Variants in DIPK1C observed in about 807,000 individuals in gnomAD.
The protein encoded by DIPK1C is divergent protein kinase domain 1C, also known as familial non-conventional Alzheimer's dementia.
In DIPK1C, 33 loss-of-function variants were observed where a neutral mutation model predicts 28.0. That is an observed-to-expected ratio of 1.18 (90% CI 0.89 to 1.58). DIPK1C has a LOEUF of 1.58. Among genes scored for constraint, DIPK1C ranks in the 40% most tolerant of loss-of-function variants. The pLI is 0.00. For synonymous variants in DIPK1C, 255 were observed against 248.8 expected, an observed-to-expected ratio of 1.02 and a Z score of -0.23; for missense variants, 569 against 568.5, an observed-to-expected ratio of 1.00 and a Z score of -0.01.
At chr18:74,444,938 A>G (rs1229105960) in intron 2 of DIPK1C, among the ~76,000 whole-genome samples, 1 of 152,222 alleles carries the variant, frequency 6.6e-6, no homozygotes. Context: ...CAGTAACTGG[A>G]TAATCAACAA....
At position 74,436,123 on chromosome 18, in the gene DIPK1C, C is replaced by G. The variant is rs1483567519; in HGVS notation, c.*378G>C. The G allele has an allele frequency of 3.9e-6, 1 of 253,190 alleles. No homozygotes were observed. Among genetic ancestry groups the G allele is most frequent in the African/African-American group, 2.2e-5 (1 of 44,722 alleles). 15.7% of individuals were successfully genotyped at this position (253,190 alleles called of 1,614,324 possible). A position where few individuals can be genotyped will look rare whatever the true frequency, so the allele number is the denominator to read the frequency against. On this transcript the variant is annotated 3_prime_UTR_variant, in exon 4 of 4. Coordinates refer to ENST00000343998, the MANE Select transcript of DIPK1C (RefSeq NM_001044369.3). Reference sequence around the variant, plus strand: ...CACAGGCATACACATCATTTGTATGCACACACGCACACTTTTTAACGTGGT... The same window carrying G: ...CACAGGCATACACATCATTTGTATGGACACACGCACACTTTTTAACGTGGT...
Position 74,436,569 on chromosome 18 carries a change from TG to T in DIPK1C, c.1191del (p.Ser398AlafsTer14). On this transcript the variant is annotated frameshift_variant, in exon 4 of 4. Transcript: ENST00000343998. LOFTEE classifies it low-confidence loss of function (END_TRUNC). Reference protein sequence around the residue: ...VPSGNTRRAASSVFWKLRQLL... With the variant: ...VPSGNTRRAAXSVFWKLRQLL... ...AGTTGGCGAAGCTTCCAGAACACGC[TG>T]GAGGCTGCTCTCCGGGTGTTCCCAC... The T allele has an allele frequency of 6.2e-7, 1 of 1,611,160 alleles. No homozygotes were observed.
At position 74,436,151 on chromosome 18, in the gene DIPK1C, C is replaced by T; in HGVS notation, c.*350G>A. On this transcript the variant is annotated 3_prime_UTR_variant, in exon 4 of 4. Coordinates refer to ENST00000343998, the MANE Select transcript of DIPK1C (RefSeq NM_001044369.3). ...ACACGCACACTTTTTAACGTGGTAA[C>T]GATTTACAGGAAAGAACAGCTGGAA... 2 of 290,132 alleles carry T rather than the reference C, an allele frequency of 6.9e-6. No homozygotes were observed. Among genetic ancestry groups the T allele is most frequent in the Middle Eastern group, 1.0e-3 (1 of 956 alleles). The allele number at this position is 290,132 out of a possible 1,614,324, so 18.0% of individuals were successfully genotyped here. A position where few individuals can be genotyped will look rare whatever the true frequency, so the allele number is the denominator to read the frequency against.
intron 3 of DIPK1C, among the ~76,000 whole-genome samples, chr18:74,439,539 G>A (rs562012720): frequency 6.6e-6 from 1 of 152,338 alleles, no homozygotes; most frequent in South Asian, 2.1e-4. Context: ...ATTAAGGCTG[G>A]GTGTGGTAGC....
intron 3 of DIPK1C, among the ~76,000 whole-genome samples, chr18:74,440,265 CTAA>C (rs1986092607): frequency 1.3e-5 from 2 of 152,040 alleles, no homozygotes; most frequent in African/African-American, 4.8e-5. Flanking sequence ...TTTTTTTCAC[CTAA>C]TAATGCTTCA....
At chr18:74,462,718 G>C (rs116236538), upstream of DIPK1C, among the ~76,000 whole-genome samples, 1,508 of 150,202 alleles carry the variant, frequency 0.01, 19 homozygotes, top group African/African-American at 0.035. Flanking sequence ...TGCACCATTT[G>C]ACATTCCTAT....
At chr18:74,450,407 AG>A (rs924883800) in intron 1 of DIPK1C, among the ~76,000 whole-genome samples, 4 of 152,218 alleles carry the variant, frequency 2.6e-5, no homozygotes, top group Non-Finnish European at 4.4e-5. Context: ...GTGCAGCCAA[AG>A]GTGTGATCCT....
intron 2 of DIPK1C, among the ~76,000 whole-genome samples, chr18:74,442,318 C>G (rs1379190224): frequency 2.0e-5 from 3 of 150,578 alleles, no homozygotes; most frequent in Admixed American, 2.0e-4. Flanking sequence ...CATGCATTTT[C>G]TTTTTCTTTT....
upstream of DIPK1C, among the ~76,000 whole-genome samples, chr18:74,459,496 C>A (rs4892221): frequency 0.63 from 95,153 of 152,074 alleles, 31,001 homozygotes; most frequent in East Asian, 0.98. Flanking sequence ...GTTGATACCA[C>A]AGGAAGTTTT....
At chr18:74,455,725 T>TAAAAAAAAAAAAAAA (rs112246757) in intron 1 of DIPK1C, among the ~76,000 whole-genome samples, 5 of 116,180 alleles carry the variant, frequency 4.3e-5, no homozygotes, top group Admixed American at 9.4e-5. Context: ...CAAAACTCCA[T>TAAAAAAAAAAAAAAA]AAAAAAAAAA....
At chr18:74,449,325 T>G (rs1290408366) in intron 1 of DIPK1C, among the ~76,000 whole-genome samples, 1 of 152,218 alleles carries the variant, frequency 6.6e-6, no homozygotes, top group African/African-American at 2.4e-5. Context: ...CTATATGATC[T>G]TTCTAACATT....
upstream of DIPK1C, among the ~76,000 whole-genome samples, chr18:74,461,864 T>C (rs1269334845): frequency 6.6e-6 from 1 of 152,058 alleles, no homozygotes; most frequent in Non-Finnish European, 1.5e-5. Context: ...CCAGCCATCT[T>C]CCCACCCCAG....
chr18:74,439,011 T>C (rs976343575), intron 3 of DIPK1C, among the ~76,000 whole-genome samples: 2 of 152,230 alleles, frequency 1.3e-5, no homozygotes, highest in African/African-American at 4.8e-5. Context: ...ACATTCCTGG[T>C]CTATAAGAAG....
chr18:74,456,242 A>G (rs1159424420), intron 1 of DIPK1C, among the ~76,000 whole-genome samples: 3 of 152,250 alleles, frequency 2.0e-5, no homozygotes, highest in Non-Finnish European at 2.9e-5. Context: ...ACGGCTAGCC[A>G]AGTTTCCAAT....
At chr18:74,461,330 T>C (rs1344945429), upstream of DIPK1C, among the ~76,000 whole-genome samples, 4 of 140,802 alleles carry the variant, frequency 2.8e-5, no homozygotes, top group East Asian at 4.4e-4. Context: ...CTTTTTCTTT[T>C]CCTTCCTTCC....
At position 74,446,950 on chromosome 18, in the gene DIPK1C, G is replaced by T. The variant is rs372816832; in HGVS notation, c.532C>A (p.Pro178Thr). The change falls in exon 2 of 4, where the codon CCA becomes ACA. Residue 178 changes from proline (P) to threonine (T), a missense_variant. Physicochemically the swap from Pro to Thr is conservative, Grantham distance 38. Coordinates refer to ENST00000343998, the MANE Select transcript of DIPK1C (RefSeq NM_001044369.3). ...LGPWWPGRRGPRWRGQLASLW... is the reference protein window; with the variant it reads ...LGPWWPGRRGTRWRGQLASLW... ...CTGGCCAGCTGTCCCCGCCAGCGTG[G>T]GCCCCGCCTGCCCGGCCACCACGGC... 3.9e-5 allele frequency: 59 copies of T among 1,504,062 alleles called. No individual in the cohort carries two copies. In the East Asian group the frequency reaches 8.7e-4, roughly 22 times the overall value. 93.2% of individuals were successfully genotyped at this position (1,504,062 alleles called of 1,614,324 possible).
chr18:74,452,075 C>T (rs540405302), intron 1 of DIPK1C, among the ~76,000 whole-genome samples: 87 of 152,282 alleles, frequency 5.7e-4, no homozygotes, highest in African/African-American at 2.0e-3. Context: ...TTATTGAAAA[C>T]TGCCTTGAAA....
At chr18:74,459,071 C>T (rs1014080698), upstream of DIPK1C, among the ~76,000 whole-genome samples, 4 of 152,228 alleles carry the variant, frequency 2.6e-5, no homozygotes, top group Non-Finnish European at 5.9e-5. Flanking sequence ...CCACTGCACT[C>T]TAGCCCGGAC....
intron 2 of DIPK1C, among the ~76,000 whole-genome samples, chr18:74,445,764 T>A (rs1257418361): frequency 6.6e-6 from 1 of 152,146 alleles, no homozygotes; most frequent in Non-Finnish European, 1.5e-5. Flanking sequence ...AGCAGAGCAC[T>A]CCGCCCTCCC....
Sources: gnomAD v4.1 joint callset for allele counts (sites outside exome capture counted in the v4.1 genomes callset) on GRCh38, gnomAD v4.1.1 for gene constraint, MANE v1.5 for transcripts, NCBI Gene and HGNC (gene_info 2026-07-23, HGNC 2026-07-21) for gene names.